CTNNA3: variants seen among roughly 807,000 people sequenced by gnomAD.
CTNNA3 encodes catenin alpha 3, also known as catenin alpha-3.
A neutral mutation model predicts 95.7 loss-of-function variants in CTNNA3; 76 were observed. The observed-to-expected ratio is 0.79, with a 90% CI of 0.66 to 0.96. CTNNA3 has a LOEUF of 0.96. CTNNA3 is among the 40% of genes least tolerant of loss of function. CTNNA3 has a pLI of 0.00. For synonymous variants in CTNNA3, 431 were observed against 374.4 expected, an observed-to-expected ratio of 1.15 and a Z score of -1.74; for missense variants, 1,191 against 1,089.8, an observed-to-expected ratio of 1.09 and a Z score of -1.31.
In CTNNA3 at chr10:65,913,313, A is replaced by G. The variant is rs1357169460; in HGVS notation, c.*7017T>C. On this transcript the variant is annotated 3_prime_UTR_variant, in exon 18 of 18. Transcript: ENST00000433211. ...CTCTAGAAGTTTTAATTCATATTTAATCACCCAACTTGCCCAAGAAAATTT... is the reference window on the plus strand; with the variant it reads ...CTCTAGAAGTTTTAATTCATATTTAGTCACCCAACTTGCCCAAGAAAATTT... 2 of 152,154 alleles carry G rather than the reference A, an allele frequency of 1.3e-5. No individual in the cohort carries two copies. The highest frequency in any genetic ancestry group is 2.9e-5 in the Non-Finnish European group (2 of 68,028). 9.4% of individuals were successfully genotyped at this position (152,154 alleles called of 1,614,324 possible). A position where few individuals can be genotyped will look rare whatever the true frequency, so the allele number is the denominator to read the frequency against.
At chr10:67,361,299 T>G (rs554993118) in intron 5 of CTNNA3, among the ~76,000 whole-genome samples, 2 of 152,206 alleles carry the variant, frequency 1.3e-5, no homozygotes, top group East Asian at 3.9e-4. Context: ...TACAGAATAC[T>G]CCACTCATCA....
chr10:67,275,760 C>T (rs1471091063), intron 5 of CTNNA3, among the ~76,000 whole-genome samples: 3 of 152,096 alleles, frequency 2.0e-5, no homozygotes, highest in Non-Finnish European at 4.4e-5. Flanking sequence ...CTGTAATTCA[C>T]ATATATTCCT....
chr10:66,943,743 C>T (rs1235305783), intron 7 of CTNNA3, among the ~76,000 whole-genome samples: 1 of 151,982 alleles, frequency 6.6e-6, no homozygotes, highest in African/African-American at 2.4e-5. Context: ...GTTCCAGAAC[C>T]CCACCATAAA....
chr10:67,721,291 C>T (rs1022914447), intron 1 of CTNNA3, among the ~76,000 whole-genome samples: 3 of 152,118 alleles, frequency 2.0e-5, no homozygotes, highest in African/African-American at 7.2e-5. Flanking sequence ...GTTTCAGGTA[C>T]ACCAATCAAA....
chr10:67,535,811 G>A (rs1194495986), intron 4 of CTNNA3, among the ~76,000 whole-genome samples: 1 of 119,222 alleles, frequency 8.4e-6, no homozygotes, highest in Non-Finnish European at 1.6e-5. Flanking sequence ...CTCTGCTGAA[G>A]GAAACGAAGG....
Position 67,682,182 on chromosome 10 carries a change from C to T in CTNNA3, c.-6+13818G>A, listed in dbSNP as rs192118147. Reference sequence around the variant, plus strand: ...TCAAAAAAAAAAAAAAAAAATTTAGCCCAGCGTGGTGGTGGGCGCCTATAG... The same window carrying T: ...TCAAAAAAAAAAAAAAAAAATTTAGTCCAGCGTGGTGGTGGGCGCCTATAG... On this transcript the variant is annotated intron_variant, in intron 1 of 17. Transcript: ENST00000433211. 6.0e-4 allele frequency among the ~76,000 whole-genome samples: 91 copies of T among 150,988 alleles called. 2 individuals carry two copies. The highest frequency in any genetic ancestry group is 2.1e-3 in the African/African-American group (87 of 41,166).
At chr10:66,690,790 C>T (rs1847497165) in intron 9 of CTNNA3, among the ~76,000 whole-genome samples, 1 of 152,030 alleles carries the variant, frequency 6.6e-6, no homozygotes, top group Non-Finnish European at 1.5e-5. Context: ...CATACATGTG[C>T]ATGTGTCTTT....
intron 7 of CTNNA3, among the ~76,000 whole-genome samples, chr10:66,914,458 A>G (rs2132573850): frequency 6.6e-6 from 1 of 151,782 alleles, no homozygotes; most frequent in South Asian, 2.1e-4. Context: ...CCGTAGAGAA[A>G]CGCCTCCAAC....
chr10:66,450,036 AATT>A (rs1477558874), intron 11 of CTNNA3, among the ~76,000 whole-genome samples: 1 of 151,976 alleles, frequency 6.6e-6, no homozygotes, highest in Non-Finnish European at 1.5e-5. Context: ...TTGTTTCAAT[AATT>A]ATTTTTTTAA....
At chr10:67,723,066 A>C (rs1010444612) in intron 1 of CTNNA3, among the ~76,000 whole-genome samples, 8 of 149,414 alleles carry the variant, frequency 5.4e-5, no homozygotes, top group Non-Finnish European at 5.9e-5. Context: ...GGCTCACCAC[A>C]ACTTCTGCCT....
intron 12 of CTNNA3, among the ~76,000 whole-genome samples, chr10:66,294,344 G>C (rs1420486178): frequency 6.6e-6 from 1 of 152,144 alleles, no homozygotes; most frequent in Non-Finnish European, 1.5e-5. Flanking sequence ...AGAAGAAGGA[G>C]GGGGTGAGGA....
chr10:66,514,321 C>G (rs1840763906), intron 11 of CTNNA3, among the ~76,000 whole-genome samples: 1 of 152,064 alleles, frequency 6.6e-6, no homozygotes. Context: ...TATTAAGATT[C>G]TACAGCAACT....
At chr10:66,582,160 A>G (rs1258490664) in intron 10 of CTNNA3, among the ~76,000 whole-genome samples, 1 of 151,424 alleles carries the variant, frequency 6.6e-6, no homozygotes, top group Non-Finnish European at 1.5e-5. Flanking sequence ...TTTAGGATTG[A>G]TTTTTCTAAT....
At chr10:66,163,611 G>A (rs983777373) in intron 13 of CTNNA3, among the ~76,000 whole-genome samples, 1 of 152,072 alleles carries the variant, frequency 6.6e-6, no homozygotes, top group Non-Finnish European at 1.5e-5. Context: ...GGGTCTCTGG[G>A]TCCTCTTGGG....
chr10:66,901,384 C>T (rs540868690), intron 7 of CTNNA3, among the ~76,000 whole-genome samples: 26 of 152,278 alleles, frequency 1.7e-4, no homozygotes, highest in Middle Eastern at 6.8e-3. Context: ...AAGCACTAAA[C>T]ATGGAAAGGA....
intron 10 of CTNNA3, among the ~76,000 whole-genome samples, chr10:66,536,393 A>T (rs183283363): frequency 1.7e-3 from 255 of 150,446 alleles, no homozygotes; most frequent in African/African-American, 6.2e-3. Context: ...GAGGCAGGGG[A>T]GTCGCTTGAA....
intron 5 of CTNNA3, among the ~76,000 whole-genome samples, chr10:67,287,248 G>T (rs974597816): frequency 2.0e-5 from 3 of 152,034 alleles, no homozygotes; most frequent in African/African-American, 7.2e-5. Context: ...TGAGGCAGAA[G>T]AATCACTTGA....
chr10:66,844,778 C>A (rs936684683), intron 7 of CTNNA3, among the ~76,000 whole-genome samples: 1 of 152,150 alleles, frequency 6.6e-6, no homozygotes, highest in Non-Finnish European at 1.5e-5. Context: ...GGTAGTAGAA[C>A]AGGGACTAAA....
intron 13 of CTNNA3, among the ~76,000 whole-genome samples, chr10:66,279,288 C>T (rs1344453267): frequency 6.6e-6 from 1 of 151,998 alleles, no homozygotes; most frequent in Non-Finnish European, 1.5e-5. Context: ...TGATGCTCCA[C>T]TCATATATTC....
Sources: allele counts gnomAD v4.1 joint callset (sites outside exome capture counted in the v4.1 genomes callset), GRCh38; gene constraint gnomAD v4.1.1; transcripts MANE v1.5; gene names NCBI Gene and HGNC (gene_info 2026-07-23, HGNC 2026-07-21).